INTS4: variants seen among roughly 807,000 people sequenced by gnomAD.
INTS4 encodes the protein MSTP093.
INTS4 carries 70 observed loss-of-function variants against 119.5 expected under a neutral mutation model. That is an observed-to-expected ratio of 0.59 (90% CI 0.48 to 0.71). The LOEUF (loss-of-function observed/expected upper bound fraction) is 0.71. Among genes scored for constraint, INTS4 ranks in the 30% least tolerant of loss-of-function variants. The pLI is 0.00. For synonymous variants in INTS4, 316 were observed against 419.6 expected (o/e 0.75, Z 3.02); for missense variants, 867 against 1,173.2 (o/e 0.74, Z 3.81).
chr11:77,973,548 GTT>G (rs1190822003), intron 4 of INTS4, among the ~76,000 whole-genome samples: 1 of 151,534 alleles, frequency 6.6e-6, no homozygotes, highest in Non-Finnish European at 1.5e-5. Context: ...TTTCCTGTCA[GTT>G]TTGTTTTTTT....
intron 18 of INTS4, among the ~76,000 whole-genome samples, chr11:77,898,258 G>A (rs1279711718): frequency 6.6e-6 from 1 of 152,124 alleles, no homozygotes; most frequent in African/African-American, 2.4e-5. Context: ...CTGCCTCCTG[G>A]GTTCAAGCAA....
chr11:77,883,745 T>A, intron 22 of INTS4, 87 bp downstream of exon 22: 2 of 1,405,044 alleles, frequency 1.4e-6, no homozygotes, highest in Non-Finnish European at 1.9e-6. Flanking sequence ...CCATGTATTT[T>A]TTTCAAACTT....
intron 10 of INTS4, among the ~76,000 whole-genome samples, chr11:77,929,147 G>A (rs542189894): frequency 3.0e-4 from 45 of 152,110 alleles, no homozygotes; most frequent in Non-Finnish European, 5.1e-4. Flanking sequence ...AGGAGTTCAA[G>A]GCTGGCCTGA....
intron 2 of INTS4, chr11:77,987,568 C>G (rs898732781): frequency 6.9e-5 from 30 of 433,508 alleles, no homozygotes; most frequent in Non-Finnish European, 1.1e-4. Context: ...TTCTTGAGAA[C>G]AGAAATCCTG....
intron 7 of INTS4, among the ~76,000 whole-genome samples, chr11:77,958,276 T>C (rs1302469486): frequency 1.3e-5 from 2 of 151,686 alleles, no homozygotes; most frequent in Non-Finnish European, 2.9e-5. Flanking sequence ...CAAAATATAA[T>C]AAATAATATT....
intron 8 of INTS4, among the ~76,000 whole-genome samples, chr11:77,949,034 AG>A (rs1954121228): frequency 6.6e-6 from 1 of 152,166 alleles, no homozygotes; most frequent in African/African-American, 2.4e-5. Flanking sequence ...TGGAGTCCCC[AG>A]GAGTTTGAGG....
chr11:77,989,428 T>G, intron 2 of INTS4, among the ~76,000 whole-genome samples: 1 of 151,234 alleles, frequency 6.6e-6, no homozygotes, highest in Non-Finnish European at 1.5e-5. Context: ...GCTATTACAC[T>G]CCAGCCTGGG....
intron 10 of INTS4, among the ~76,000 whole-genome samples, chr11:77,936,189 G>A (rs1199367326): frequency 6.6e-6 from 1 of 151,996 alleles, no homozygotes; most frequent in Non-Finnish European, 1.5e-5. Context: ...ATATATACAG[G>A]ATGGAATATA....
chr11:77,981,892 T>C (rs887390964), intron 2 of INTS4, among the ~76,000 whole-genome samples: 11 of 152,056 alleles, frequency 7.2e-5, no homozygotes, highest in African/African-American at 2.7e-4. Flanking sequence ...ATCCAAATAC[T>C]GCAAAGTGAA....
intron 2 of INTS4, among the ~76,000 whole-genome samples, chr11:77,985,026 C>T (rs191814051): frequency 5.9e-5 from 9 of 152,032 alleles, no homozygotes; most frequent in Admixed American, 4.6e-4. Context: ...AGCACTCCTT[C>T]TACTATGACA....
At chr11:77,953,315 A>G (rs548710964) in intron 8 of INTS4, among the ~76,000 whole-genome samples, 1 of 152,302 alleles carries the variant, frequency 6.6e-6, no homozygotes, top group Admixed American at 6.5e-5. Flanking sequence ...ATTTTTATAG[A>G]TACTTACACA....
chr11:77,916,922 A>C (rs564306334), intron 15 of INTS4, among the ~76,000 whole-genome samples: 1 of 152,346 alleles, frequency 6.6e-6, no homozygotes, highest in East Asian at 1.9e-4. Flanking sequence ...TACCCTCAGC[A>C]ACTGGCTTAT....
At chr11:77,947,244 A>C (rs669327) in intron 8 of INTS4, among the ~76,000 whole-genome samples, 88,261 of 151,996 alleles carry the variant, frequency 0.58, 25,872 homozygotes, top group African/African-American at 0.61. Flanking sequence ...CCATTTGATG[A>C]AATGATAGCT....
At chr11:77,907,665 C>T (rs367648162) in intron 16 of INTS4, 52 bp downstream of exon 16, 2 of 1,353,694 alleles carry the variant, frequency 1.5e-6, no homozygotes, top group Non-Finnish European at 2.1e-6. Context: ...GCTGGATCCA[C>T]AAAGATGCAT....
At chr11:77,969,610 G>A (rs1294789103) in intron 4 of INTS4, among the ~76,000 whole-genome samples, 1 of 152,078 alleles carries the variant, frequency 6.6e-6, no homozygotes, top group Non-Finnish European at 1.5e-5. Flanking sequence ...CTGCACTCAA[G>A]CGAGCTTCCC....
intron 16 of INTS4, among the ~76,000 whole-genome samples, chr11:77,904,313 C>T (rs1952873507): frequency 6.6e-6 from 1 of 152,078 alleles, no homozygotes; most frequent in Admixed American, 6.5e-5. Flanking sequence ...ATAACATGAG[C>T]TATATATAAT....
chr11:77,908,428 A>G (rs1591041963), intron 15 of INTS4, among the ~76,000 whole-genome samples: 1 of 151,518 alleles, frequency 6.6e-6, no homozygotes, highest in South Asian at 2.1e-4. Context: ...TCCTGGGTTC[A>G]AGCGATTCTC....
rs1325826657 is a variant in INTS4, at chr11:77,979,069, G to A, written c.398C>T (p.Thr133Ile). Residue 133 changes from threonine to isoleucine, a missense_variant, in exon 4 of 23, where the codon ACT (threonine) becomes ATT (isoleucine). Thr to Ile is a moderately conservative substitution (Grantham distance 89). Coordinates refer to ENST00000534064, the MANE Select transcript of INTS4 (RefSeq NM_033547.4). ...TAGCTTAGTGCCAATTGCAAGCAAA[G>A]TATCCAGCAGTTGAGCTAGGACTTG... ...SHQVLAQLLDTLLAIGTKLPE... is the reference protein window; with the variant it reads ...SHQVLAQLLDILLAIGTKLPE... The A allele has an allele frequency of 6.2e-7, 1 of 1,612,746 alleles. No individual in the cohort carries two copies. Among genetic ancestry groups the A allele is most frequent in the East Asian group, 2.2e-5 (1 of 44,836 alleles).
At chr11:77,963,352 CAAAAA>C in intron 4 of INTS4, 24 of 170,096 alleles carry the variant, frequency 1.4e-4, no homozygotes, top group East Asian at 4.8e-4. Flanking sequence ...GACTCCGTCT[CAAAAA>C]AAAAAAAAAA....
Sources: allele counts gnomAD v4.1 joint callset (sites outside exome capture counted in the v4.1 genomes callset), GRCh38; gene constraint gnomAD v4.1.1; transcripts MANE v1.5; gene names NCBI Gene and HGNC (gene_info 2026-07-23, HGNC 2026-07-21).